Variants in SYN3 observed in about 807,000 individuals in gnomAD.
SYN3 encodes the protein synapsin-3.
SYN3 carries 35 observed loss-of-function variants against 65.8 expected under a neutral mutation model. The observed-to-expected ratio is 0.53, with a 90% CI of 0.41 to 0.70. SYN3 has a LOEUF of 0.70. Among genes scored for constraint, SYN3 ranks in the 30% least tolerant of loss-of-function variants. The probability of loss-of-function intolerance (pLI) is 0.00; values close to 1 mark genes in which losing one functional copy is unlikely to be tolerated. For synonymous variants in SYN3, 270 were observed against 292.9 expected, an observed-to-expected ratio of 0.92 and a Z score of 0.80; for missense variants, 680 against 749.0, an observed-to-expected ratio of 0.91 and a Z score of 1.08.
chr22:32,720,394 T>C (rs1433210916), intron 6 of SYN3, among the ~76,000 whole-genome samples: 1 of 152,214 alleles, frequency 6.6e-6, no homozygotes, highest in Non-Finnish European at 1.5e-5. Flanking sequence ...TTGATGTTAT[T>C]GGTGCTGGTT....
At chr22:32,728,197 A>C (rs911247664) in intron 6 of SYN3, among the ~76,000 whole-genome samples, 3 of 152,266 alleles carry the variant, frequency 2.0e-5, no homozygotes, top group African/African-American at 4.8e-5. Flanking sequence ...TTTCATGATG[A>C]AGATGCGAAA....
At chr22:32,914,466 CT>C (rs1242596617) in intron 4 of SYN3, among the ~76,000 whole-genome samples, 1 of 143,262 alleles carries the variant, frequency 7.0e-6, no homozygotes, top group African/African-American at 2.6e-5. Flanking sequence ...GAGACGGAGT[CT>C]CGCTCTGTTG....
chr22:32,635,898 C>T (rs1015339465), intron 6 of SYN3, among the ~76,000 whole-genome samples: 1 of 152,152 alleles, frequency 6.6e-6, no homozygotes, highest in Admixed American at 6.5e-5. Context: ...AGAAAAAATC[C>T]TCCTGATCCC....
At chr22:32,987,016 C>A (rs1234688866) in intron 2 of SYN3, among the ~76,000 whole-genome samples, 1 of 151,934 alleles carries the variant, frequency 6.6e-6, no homozygotes, top group Non-Finnish European at 1.5e-5. Context: ...GCAGCAGGGG[C>A]AGAAGAAGGG....
At chr22:32,617,833 C>T (rs930896066) in intron 6 of SYN3, among the ~76,000 whole-genome samples, 2 of 150,080 alleles carry the variant, frequency 1.3e-5, no homozygotes, top group African/African-American at 4.9e-5. Flanking sequence ...GGACCCTGCC[C>T]GAGGCTTGAG....
chr22:33,053,074 T>A (rs561038565), intron 1 of SYN3, among the ~76,000 whole-genome samples: 1 of 152,208 alleles, frequency 6.6e-6, no homozygotes, highest in African/African-American at 2.4e-5. Context: ...TCATCTCATT[T>A]ATTTCCTGCA....
intron 6 of SYN3, chr22:32,861,048 G>A (rs907561509): frequency 6.6e-6 from 1 of 152,322 alleles, no homozygotes; most frequent in Non-Finnish European, 1.5e-5. Flanking sequence ...GGGTTGGCAG[G>A]ATGGTGACAT....
At chr22:32,808,856 T>C (rs2046836059) in intron 6 of SYN3, among the ~76,000 whole-genome samples, 1 of 152,208 alleles carries the variant, frequency 6.6e-6, no homozygotes, top group Non-Finnish European at 1.5e-5. Context: ...GAGGGGATCA[T>C]TCCTGCGCTG....
At chr22:32,913,757 G>A (rs951953594) in intron 4 of SYN3, among the ~76,000 whole-genome samples, 3 of 152,200 alleles carry the variant, frequency 2.0e-5, no homozygotes, top group African/African-American at 7.2e-5. Context: ...GCGAAGAGCC[G>A]CAAAAGGTGT....
chr22:32,796,215 T>A (rs1018070283), intron 6 of SYN3, among the ~76,000 whole-genome samples: 3 of 152,168 alleles, frequency 2.0e-5, no homozygotes, highest in Non-Finnish European at 2.9e-5. Context: ...GAAACATACA[T>A]ACACACACAT....
chr22:32,817,466 C>T (rs2047118236), intron 6 of SYN3, among the ~76,000 whole-genome samples: 1 of 152,128 alleles, frequency 6.6e-6, no homozygotes. Flanking sequence ...CACTTGCCTG[C>T]CATTGTGATT....
chr22:32,888,634 G>A (rs1208382891), intron 4 of SYN3, among the ~76,000 whole-genome samples: 1 of 152,184 alleles, frequency 6.6e-6, no homozygotes, highest in Non-Finnish European at 1.5e-5. Context: ...AGGTGAAGCA[G>A]GAATGCAAGA....
intron 6 of SYN3, among the ~76,000 whole-genome samples, chr22:32,863,686 A>G (rs1209838714): frequency 6.6e-6 from 1 of 152,168 alleles, no homozygotes; most frequent in African/African-American, 2.4e-5. Flanking sequence ...TGCCAGGTAC[A>G]GCACTTTATA....
chr22:32,775,116 G>C (rs989575445), intron 6 of SYN3, among the ~76,000 whole-genome samples: 9 of 152,138 alleles, frequency 5.9e-5, no homozygotes, highest in Admixed American at 2.0e-4. Flanking sequence ...GCTGGTGAGG[G>C]CTCTCTTGCT....
chr22:32,702,520 T>C (rs557322989), intron 6 of SYN3, among the ~76,000 whole-genome samples: 35 of 152,330 alleles, frequency 2.3e-4, no homozygotes, highest in African/African-American at 5.5e-4. Flanking sequence ...ATTTTTCACC[T>C]ATCTTGTCTG....
chr22:32,565,096 C>T (rs927906550), intron 7 of SYN3, among the ~76,000 whole-genome samples: 6 of 151,500 alleles, frequency 4.0e-5, no homozygotes, highest in African/African-American at 1.2e-4. Flanking sequence ...AAACAGTGCT[C>T]CCGGACTGCA....
chr22:32,513,768 G>A lies in SYN3; in HGVS notation c.1667C>T (p.Thr556Ile), dbSNP rs774545897. Residue 556 changes from threonine (T) to isoleucine (I), a missense_variant, in exon 14 of 14, where the codon ACC (threonine) becomes ATC (isoleucine). Physicochemically the swap from Thr to Ile is moderately conservative, Grantham distance 89. Coordinates refer to ENST00000358763, the MANE Select transcript of SYN3 (RefSeq NM_003490.4). ...LSTSDTSQRGTPSEDEAKAET... is the reference protein window; with the variant it reads ...LSTSDTSQRGIPSEDEAKAET... ...AGCCTTGGCCTCGTCTTCACTTGGGGTCCCACGCTGGGAGGTGTCGGATGT... is the reference window on the plus strand; with the variant it reads ...AGCCTTGGCCTCGTCTTCACTTGGGATCCCACGCTGGGAGGTGTCGGATGT... 30 of 1,614,084 alleles carry A rather than the reference G, an allele frequency of 1.9e-5. No homozygotes were observed. Among genetic ancestry groups the A allele is most frequent in the Non-Finnish European group, 2.5e-5 (30 of 1,180,052 alleles).
At chr22:32,604,509 A>C (rs533427424) in intron 6 of SYN3, among the ~76,000 whole-genome samples, 2 of 140,406 alleles carry the variant, frequency 1.4e-5, no homozygotes, top group Admixed American at 7.1e-5. Flanking sequence ...TTCTAGGCCA[A>C]TCCCGTCTCA....
intron 6 of SYN3, among the ~76,000 whole-genome samples, chr22:32,776,439 T>C (rs1011622023): frequency 6.6e-6 from 1 of 152,170 alleles, no homozygotes; most frequent in Non-Finnish European, 1.5e-5. Context: ...GTTCATTCAA[T>C]ATTCACAACA....
Sources: allele counts gnomAD v4.1 joint callset (sites outside exome capture counted in the v4.1 genomes callset), GRCh38; gene constraint gnomAD v4.1.1; transcripts MANE v1.5; gene names NCBI Gene and HGNC (gene_info 2026-07-23, HGNC 2026-07-21).